The following DOCK7 variants were observed in gnomAD, a reference collection of about 807,000 sequenced individuals.
DOCK7 encodes dedicator of cytokinesis 7, also known as dedicator of cytokinesis protein 7.
DOCK7 carries 138 observed loss-of-function variants against 271.0 expected under a neutral mutation model. That is an observed-to-expected ratio of 0.51 (90% CI 0.44 to 0.59). The LOEUF is 0.59. Among genes scored for constraint, DOCK7 ranks in the 20% least tolerant of loss-of-function variants. The pLI is 0.00. For synonymous variants in DOCK7, 823 were observed against 876.1 expected (o/e 0.94, Z 1.07); for missense variants, 2,066 against 2,592.4 (o/e 0.80, Z 4.41).
chr1:62,594,822 G>A (rs1356636525), intron 14 of DOCK7, among the ~76,000 whole-genome samples: 1 of 152,144 alleles, frequency 6.6e-6, no homozygotes, highest in Non-Finnish European at 1.5e-5. Flanking sequence ...ATAGGGGAGA[G>A]AAGCTGGCCC....
chr1:62,625,477 G>A (rs1032358763), intron 11 of DOCK7, 76 bp from the exon 12 acceptor site: 1 of 1,410,412 alleles, frequency 7.1e-7, no homozygotes, highest in African/African-American at 1.4e-5. Context: ...CAAACACAAG[G>A]AAGAATCTAC....
chr1:62,535,217 A>G (rs1183041143), intron 29 of DOCK7, among the ~76,000 whole-genome samples: 1 of 152,222 alleles, frequency 6.6e-6, no homozygotes, highest in Non-Finnish European at 1.5e-5. Flanking sequence ...TATTTTATAT[A>G]TTATTAAGAA....
At chr1:62,616,750 T>C (rs1652487025) in intron 14 of DOCK7, among the ~76,000 whole-genome samples, 1 of 151,722 alleles carries the variant, frequency 6.6e-6, no homozygotes, top group Non-Finnish European at 1.5e-5. Context: ...ATCATATCAA[T>C]ATGTCAACAC....
At chr1:62,552,958 G>GA (rs879038880) in intron 21 of DOCK7, 57 bp from the exon 22 acceptor site, 20 of 1,297,070 alleles carry the variant, frequency 1.5e-5, no homozygotes, top group East Asian at 2.9e-5. Flanking sequence ...GAAAGGATCT[G>GA]AAAAAAAATC....
Position 62,507,980 on chromosome 1 carries a change from T to C in DOCK7, c.4458A>G (p.Thr1486=), listed in dbSNP as rs778516272. ...ATEANLIILD[T]LEIVVQTVSV... ...TTCTTACCTGAACAACAATCTCTAA[T>C]GTATCTAAAATGATTAGGTTTGCTT... Residue 1486 remains threonine (T), a synonymous_variant, in exon 35 of 50, where the codon ACA becomes ACG. Coordinates refer to ENST00000635253, the MANE Select transcript of DOCK7 (RefSeq NM_001367561.1). 2 of 1,612,262 alleles carry C rather than the reference T, an allele frequency of 1.2e-6. No homozygotes were observed. Among genetic ancestry groups the C allele is most frequent in the South Asian group, 1.1e-5 (1 of 90,408 alleles).
At chr1:62,564,593 AAAGCAG>A (rs1646446448) in intron 18 of DOCK7, among the ~76,000 whole-genome samples, 2 of 152,208 alleles carry the variant, frequency 1.3e-5, no homozygotes. Context: ...ACCACAAGAG[AAAGCAG>A]GAAAGATCTA....
Position 62,529,412 on chromosome 1 carries a change from C to T in DOCK7, c.3646G>A (p.Val1216Ile), listed in dbSNP as rs755704781. 4.0e-5 allele frequency: 65 copies of T among 1,611,776 alleles called. No individual in the cohort carries two copies. Among genetic ancestry groups the T allele is most frequent in the Non-Finnish European group, 5.1e-5 (60 of 1,179,398 alleles). ...TCGTGACTGGAGAGTAAATTGTGTA[C>T]CATATTGATGACTTTCTTATGCAAT... is the stretch of plus-strand genomic sequence containing the variant. ...FGLHKKVINM[V>I]HNLLSSHDSD... The change falls in exon 30 of 50, where the codon GTA becomes ATA. Residue 1216 changes from valine to isoleucine, a missense_variant. Val to Ile is a conservative substitution (Grantham distance 29). Coordinates refer to ENST00000635253, the MANE Select transcript of DOCK7 (RefSeq NM_001367561.1).
At position 62,577,378 on chromosome 1, in the gene DOCK7, G is replaced by C. The variant is rs374157753; in HGVS notation, c.2011-15C>G. 1 of 1,531,624 alleles carries C rather than the reference G, an allele frequency of 6.5e-7. No individual in the cohort carries two copies. 94.9% of individuals were successfully genotyped at this position (1,531,624 alleles called of 1,614,324 possible). On this transcript the variant is annotated splice_polypyrimidine_tract_variant and intron_variant, in intron 17 of 49. Transcript: ENST00000635253. ...ATTGGTATCCACTTTTAAATGAAAA[G>C]AAAACAATTTTATTTTAAATATGCT...
At position 62,517,732 on chromosome 1, in the gene DOCK7, G is replaced by A. The variant is rs144321742; in HGVS notation, c.3937-3834C>T. The stretch of plus-strand genomic sequence containing the variant: ...TATCAAGTATTAGAAAGAACATGGA[G>A]CAACAAATATTTCTTCATTGCTAGA... On this transcript the variant is annotated intron_variant, in intron 31 of 49. Transcript: ENST00000635253. Among the ~76,000 whole-genome samples the A allele has an allele frequency of 7.4e-3, 1,128 of 152,232 alleles. 9 individuals are homozygous for A. The highest frequency in any genetic ancestry group is 0.012 in the Admixed American group (191 of 15,290).
intron 7 of DOCK7, among the ~76,000 whole-genome samples, chr1:62,647,280 C>A (rs889060534): frequency 6.6e-6 from 1 of 152,048 alleles, no homozygotes; most frequent in South Asian, 2.1e-4. Flanking sequence ...GGAAAAAATA[C>A]GTATTTCAAA....
At chr1:62,601,208 T>C (rs1557782130) in intron 14 of DOCK7, 3 of 1,530,828 alleles carry the variant, frequency 2.0e-6, no homozygotes, top group South Asian at 2.2e-5. Flanking sequence ...TAAGACACTT[T>C]GGTGGGTTTC....
intron 14 of DOCK7, chr1:62,597,582 C>T: frequency 6.2e-7 from 1 of 1,612,582 alleles, no homozygotes; most frequent in Non-Finnish European, 8.5e-7. Flanking sequence ...CACAATTAAG[C>T]TCCTTCTTTT....
At chr1:62,641,630 T>C (rs1656037920) in intron 7 of DOCK7, 1 of 463,440 alleles carries the variant, frequency 2.2e-6, no homozygotes. Context: ...GATCACCACC[T>C]TCCAGCCCAG....
At chr1:62,578,514 G>GT (rs1647006478) in intron 17 of DOCK7, among the ~76,000 whole-genome samples, 1 of 152,036 alleles carries the variant, frequency 6.6e-6, no homozygotes, top group Admixed American at 6.6e-5. Flanking sequence ...GAAGCCAAGA[G>GT]TTTGAGACCA....
chr1:62,457,880 T>C lies in DOCK7; in HGVS notation c.6213-175A>G, dbSNP rs1571161352. On this transcript the variant is annotated intron_variant, in intron 48 of 49. Coordinates refer to ENST00000635253, the MANE Select transcript of DOCK7 (RefSeq NM_001367561.1). ...ACACAAAAATATAGGCCAGGCATGG[T>C]GGCTCATGGCTGTAATCCCAGCACT... 5.2e-6 allele frequency: 3 copies of C among 574,826 alleles called. No individual in the cohort carries two copies. The East Asian group carries it at 8.8e-5, about 17-fold the overall frequency. The allele number at this position is 574,826 out of a possible 1,614,324, so 35.6% of individuals were successfully genotyped here.
chr1:62,685,452 T>G (rs1461776539), intron 1 of DOCK7, among the ~76,000 whole-genome samples: 1 of 152,202 alleles, frequency 6.6e-6, no homozygotes, highest in Non-Finnish European at 1.5e-5. Flanking sequence ...CAGTTAATAA[T>G]GCATTACTCA....
chr1:62,493,469 G>A (rs1049103072), intron 40 of DOCK7, among the ~76,000 whole-genome samples: 12 of 152,018 alleles, frequency 7.9e-5, no homozygotes, highest in African/African-American at 2.9e-4. Context: ...GGTAAATACC[G>A]ATAAGGCAAC....
intron 43 of DOCK7, chr1:62,478,069 C>T (rs1047614299): frequency 1.3e-5 from 5 of 390,710 alleles, no homozygotes; most frequent in African/African-American, 6.2e-5. Context: ...TAATATTTTT[C>T]GGAGTTTGTA....
At chr1:62,585,670 C>G (rs527437807) in intron 15 of DOCK7, among the ~76,000 whole-genome samples, 6 of 152,250 alleles carry the variant, frequency 3.9e-5, no homozygotes, top group African/African-American at 1.4e-4. Context: ...TTTCCCTGCT[C>G]TCCAAACACA....
Sources: allele counts gnomAD v4.1 joint callset (sites outside exome capture counted in the v4.1 genomes callset), GRCh38; gene constraint gnomAD v4.1.1; transcripts MANE v1.5; gene names NCBI Gene and HGNC (gene_info 2026-07-23, HGNC 2026-07-21).